The following ZNF334 variants were observed in gnomAD, a reference collection of about 807,000 sequenced individuals.
The protein encoded by ZNF334 is zinc finger protein 334.
In ZNF334, 14 loss-of-function variants were observed where a neutral mutation model predicts 12.4. The ratio of observed to expected loss-of-function variants is 1.13; its 90% CI spans 0.74 to 1.76. The LOEUF (loss-of-function observed/expected upper bound fraction) is 1.76, where lower values mean the gene tolerates loss of function less well. Among genes scored for constraint, ZNF334 ranks in the 40% most tolerant of loss-of-function variants. The pLI is 0.00. For synonymous variants in ZNF334, 273 were observed against 269.6 expected (o/e 1.01, Z -0.12); for missense variants, 797 against 804.5 (o/e 0.99, Z 0.11).
chr20:46,494,030 G>A, the ZNF334 span, among the ~76,000 whole-genome samples: 1 of 152,206 alleles, frequency 6.6e-6, no homozygotes, highest in Non-Finnish European at 1.5e-5. Flanking sequence ...TGGAAAAATT[G>A]CAACAATTCT....
the ZNF334 span, among the ~76,000 whole-genome samples, chr20:46,472,644 A>C: frequency 6.6e-6 from 1 of 152,228 alleles, no homozygotes; most frequent in African/African-American, 2.4e-5. Flanking sequence ...AAGCTGAAAA[A>C]GAAGAGGGAT....
chr20:46,488,419 T>TATATATATATATATATATATA, the ZNF334 span, among the ~76,000 whole-genome samples: 3 of 102,240 alleles, frequency 2.9e-5, no homozygotes, highest in African/African-American at 8.7e-5. Flanking sequence ...AGCTCTTATT[T>TATATATATATATATATATATA]TATATATATA....
chr20:46,498,430 T>A (rs1018141478), downstream of ZNF334, among the ~76,000 whole-genome samples: 1 of 152,072 alleles, frequency 6.6e-6, no homozygotes, highest in East Asian at 1.9e-4. Context: ...AGAACTGAGG[T>A]CTCCTGCTAA....
chr20:46,471,178 A>G, the ZNF334 span, among the ~76,000 whole-genome samples: 1 of 152,102 alleles, frequency 6.6e-6, no homozygotes, highest in Non-Finnish European at 1.5e-5. Flanking sequence ...GTGTGGTACT[A>G]TGTCATTTTG....
At chr20:46,490,683 T>C in the ZNF334 span, among the ~76,000 whole-genome samples, 169 of 152,308 alleles carry the variant, frequency 1.1e-3, no homozygotes, top group Non-Finnish European at 1.9e-3. Flanking sequence ...ATTCTCTGCC[T>C]CTCCACCTCC....
intron 2 of ZNF334, 145 bp from the exon 3 acceptor site, chr20:46,504,885 T>C: frequency 1.6e-6 from 1 of 614,566 alleles, no homozygotes; most frequent in East Asian, 3.1e-5. Context: ...TAAAAATCTG[T>C]CACTGTGTTC....
chr20:46,468,423 C>T, the ZNF334 span, among the ~76,000 whole-genome samples: 73 of 151,722 alleles, frequency 4.8e-4, no homozygotes, highest in Admixed American at 6.6e-4. Flanking sequence ...TACAGGCACC[C>T]GCCATCATGA....
chr20:46,496,381 G>C (rs969329746), downstream of ZNF334, among the ~76,000 whole-genome samples: 1 of 152,174 alleles, frequency 6.6e-6, no homozygotes, highest in African/African-American at 2.4e-5. Flanking sequence ...ACCACTTACA[G>C]AATCAGTCCC....
In ZNF334 at chr20:46,501,616, T is replaced by C. The variant is rs948524570; in HGVS notation, c.1723A>G (p.Asn575Asp). ...THTGQRPYEC[N>D]ECGKTFCQKF... ...TGACAGAAGGTTTTCCCACATTCAT[T>C]ACACTCATAGGGTCTCTGTCCTGTG... The change falls in exon 5 of 5, where the codon AAT (asparagine) becomes GAT (aspartate). Residue 575 changes from asparagine to aspartate, a missense_variant. By Grantham distance (23) the Asn-to-Asp change is conservative (BLOSUM62 1). Transcript: ENST00000692313. 6.2e-7 allele frequency: 1 copy of C among 1,614,088 alleles called. No individual in the cohort carries two copies. The highest frequency in any genetic ancestry group is 8.5e-7 in the Non-Finnish European group (1 of 1,180,030).
At chr20:46,462,924 T>A in the ZNF334 span, among the ~76,000 whole-genome samples, 1 of 152,200 alleles carries the variant, frequency 6.6e-6, no homozygotes, top group Non-Finnish European at 1.5e-5. Context: ...ATCTTTTATT[T>A]ACATTCTTTC....
At chr20:46,509,095 C>T (rs2061546643) in intron 2 of ZNF334, among the ~76,000 whole-genome samples, 1 of 152,188 alleles carries the variant, frequency 6.6e-6, no homozygotes, top group Admixed American at 6.5e-5. Flanking sequence ...TAAAAGTAAT[C>T]TGTATAAACA....
chr20:46,497,559 A>G (rs989070867), downstream of ZNF334, among the ~76,000 whole-genome samples: 4 of 152,246 alleles, frequency 2.6e-5, no homozygotes, highest in African/African-American at 9.6e-5. Context: ...AGAAACTAAT[A>G]TACTATCTTC....
the ZNF334 span, chr20:46,490,741 C>T: frequency 6.6e-6 from 1 of 152,192 alleles, no homozygotes; most frequent in Non-Finnish European, 1.5e-5. Context: ...CCAGTCACTG[C>T]ACTCTTCTTT....
chr20:46,464,332 G>A, the ZNF334 span: 2 of 539,620 alleles, frequency 3.7e-6, no homozygotes, highest in Admixed American at 2.0e-5. Flanking sequence ...GGCATTCTGG[G>A]TAGGACACTA....
the ZNF334 span, among the ~76,000 whole-genome samples, chr20:46,487,109 G>GT: frequency 1.1e-3 from 165 of 151,902 alleles, no homozygotes; most frequent in African/African-American, 3.5e-3. Context: ...GAAATCCTTC[G>GT]TTTTTTATCA....
the ZNF334 span, among the ~76,000 whole-genome samples, chr20:46,473,336 T>C: frequency 6.6e-6 from 1 of 152,232 alleles, no homozygotes; most frequent in Non-Finnish European, 1.5e-5. Flanking sequence ...TTCCTTGCAT[T>C]GTATGGTTTC....
At chr20:46,464,127 T>C in the ZNF334 span, 1 of 565,818 alleles carries the variant, frequency 1.8e-6, no homozygotes, top group South Asian at 1.4e-5. Flanking sequence ...CCTGTCTCTG[T>C]GTATCCTTTC....
chr20:46,494,873 C>A (rs552972327), downstream of ZNF334, among the ~76,000 whole-genome samples: 1 of 152,308 alleles, frequency 6.6e-6, no homozygotes, highest in African/African-American at 2.4e-5. Context: ...ACATCTAACA[C>A]TTTCTTCTTT....
At chr20:46,470,837 G>C in the ZNF334 span, among the ~76,000 whole-genome samples, 1 of 152,092 alleles carries the variant, frequency 6.6e-6, no homozygotes, top group Non-Finnish European at 1.5e-5. Context: ...TGAGTACACT[G>C]CCATATAATT....
Sources: allele counts gnomAD v4.1 joint callset (sites outside exome capture counted in the v4.1 genomes callset), GRCh38; gene constraint gnomAD v4.1.1; transcripts MANE v1.5; gene names NCBI Gene and HGNC (gene_info 2026-07-23, HGNC 2026-07-21).